Variants in KMT2C observed in about 807,000 individuals in gnomAD.
KMT2C encodes the protein lysine methyltransferase 2C, also known as histone-lysine N-methyltransferase 2C.
A neutral mutation model predicts 507.9 loss-of-function variants in KMT2C; 88 were observed. The ratio of observed to expected loss-of-function variants is 0.17; its 90% CI spans 0.15 to 0.21. KMT2C has a LOEUF of 0.21. Among genes scored for constraint, KMT2C ranks in the 10% least tolerant of loss-of-function variants. The pLI is 1.00. For synonymous variants in KMT2C, 2,049 were observed against 2,080.8 expected (o/e 0.98, Z 0.42); for missense variants, 4,954 against 5,957.8 (o/e 0.83, Z 5.55).
At chr7:152,396,311 A>T (rs946754526) in intron 1 of KMT2C, among the ~76,000 whole-genome samples, 10 of 152,336 alleles carry the variant, frequency 6.6e-5, no homozygotes, top group African/African-American at 2.2e-4. Context: ...AAAATACATA[A>T]ATGAAAAGAC....
chr7:152,188,644 A>AC (rs1391097586), intron 31 of KMT2C, among the ~76,000 whole-genome samples: 1 of 118,856 alleles, frequency 8.4e-6, no homozygotes, highest in African/African-American at 3.5e-5. Context: ...ATGGAGTCTC[A>AC]CTCTGTCGCC....
intron 26 of KMT2C, among the ~76,000 whole-genome samples, chr7:152,200,307 T>A (rs959661282): frequency 3.3e-5 from 5 of 152,208 alleles, no homozygotes; most frequent in Non-Finnish European, 7.3e-5. Flanking sequence ...CATAGAACTA[T>A]CCAAATTATA....
In KMT2C at chr7:152,238,823, C is replaced by A. The variant is rs759345474; in HGVS notation, c.2536G>T (p.Ala846Ser). The A allele has an allele frequency of 6.3e-7, 1 of 1,599,444 alleles. No individual in the cohort carries two copies. Among genetic ancestry groups the A allele is most frequent in the South Asian group, 1.1e-5 (1 of 88,486 alleles). Residue 846 changes from alanine (A) to serine (S), a missense_variant, in exon 15 of 59, where the codon GCT becomes TCT. This residue lies in a region of KMT2C where 62 missense variants were observed against 137.2 expected (regional missense o/e 0.45). Coordinates refer to ENST00000262189, the MANE Select transcript of KMT2C (RefSeq NM_170606.3). ...CTCACTGTATTATGGGTACTCCAAG[C>A]CCCCTAGGATATGGCAGTTGAGAAA... ...SPGRPRSKQGAWSTHNTVSPP... is the reference protein window; with the variant it reads ...SPGRPRSKQGSWSTHNTVSPP...
At chr7:152,168,893 A>G (rs1167491164) in intron 41 of KMT2C, among the ~76,000 whole-genome samples, 6 of 152,238 alleles carry the variant, frequency 3.9e-5, no homozygotes, top group Admixed American at 3.3e-4. Flanking sequence ...TATAGACTGT[A>G]AAGTGCCCAA....
chr7:152,324,789 T>C (rs549725404), intron 3 of KMT2C, among the ~76,000 whole-genome samples: 7 of 152,100 alleles, frequency 4.6e-5, no homozygotes, highest in African/African-American at 1.7e-4. Context: ...ACGAGGCTAG[T>C]GTAATTTTGT....
intron 1 of KMT2C, among the ~76,000 whole-genome samples, chr7:152,388,746 T>A (rs1016511380): frequency 1.3e-5 from 2 of 151,650 alleles, no homozygotes; most frequent in Non-Finnish European, 2.9e-5. Flanking sequence ...GGGGACTACT[T>A]AGACTTTTTT....
At chr7:152,237,864 C>G (rs1369600582) in intron 15 of KMT2C, among the ~76,000 whole-genome samples, 1 of 152,164 alleles carries the variant, frequency 6.6e-6, no homozygotes. Flanking sequence ...GATTAAAAAT[C>G]GAGACTACAG....
chr7:152,414,653 G>A (rs539225901), intron 1 of KMT2C, among the ~76,000 whole-genome samples: 1 of 150,672 alleles, frequency 6.6e-6, no homozygotes, highest in Admixed American at 6.6e-5. Context: ...CCGGCATCAT[G>A]CCTGGCTCAT....
intron 1 of KMT2C, among the ~76,000 whole-genome samples, chr7:152,415,896 AG>A (rs2097730423): frequency 6.6e-6 from 1 of 152,212 alleles, no homozygotes; most frequent in Admixed American, 6.5e-5. Context: ...AAAAAGAAAA[AG>A]AAATTCAAAA....
chr7:152,259,442 A>ACGCG (rs747764672), intron 9 of KMT2C, among the ~76,000 whole-genome samples: 1,359 of 117,982 alleles, frequency 0.012, 20 homozygotes, highest in Admixed American at 0.04. Flanking sequence ...AGACACACAC[A>ACGCG]CGCGCACACA....
chr7:152,215,513 C>CAAAAAA (rs35751147), intron 23 of KMT2C, among the ~76,000 whole-genome samples: 2 of 25,954 alleles, frequency 7.7e-5, no homozygotes, highest in Non-Finnish European at 1.6e-4. Flanking sequence ...GACTCTGTCT[C>CAAAAAA]AAAAAAAAAA....
At chr7:152,195,390 A>G in intron 28 of KMT2C, 1 of 247,032 alleles carries the variant, frequency 4.0e-6, no homozygotes, top group Non-Finnish European at 6.5e-6. Context: ...AAAAGGGAAA[A>G]GCAAAGTATG....
At chr7:152,298,298 G>A (rs928104984) in intron 6 of KMT2C, among the ~76,000 whole-genome samples, 17 of 151,898 alleles carry the variant, frequency 1.1e-4, no homozygotes, top group Admixed American at 2.0e-4. Flanking sequence ...ACGGATCCAA[G>A]AAACTCAGCA....
chr7:152,270,516 T>C (rs899967076), intron 7 of KMT2C, among the ~76,000 whole-genome samples: 7 of 152,214 alleles, frequency 4.6e-5, no homozygotes, highest in African/African-American at 1.2e-4. Flanking sequence ...TTTGTTCGCC[T>C]TGATGATGTC....
chr7:152,359,549 C>T (rs2097179071), intron 1 of KMT2C, among the ~76,000 whole-genome samples: 2 of 151,898 alleles, frequency 1.3e-5, no homozygotes, highest in South Asian at 4.1e-4. Context: ...TTAGATGGAT[C>T]ATTTGAGTGC....
chr7:152,217,822 A>G lies in KMT2C; in HGVS notation c.3712+2701T>C, dbSNP rs201838019. On this transcript the variant is annotated intron_variant, in intron 23 of 58. Coordinates refer to ENST00000262189, the MANE Select transcript of KMT2C (RefSeq NM_170606.3). ...TTTTGTGTTGTTTTTAAAAGGTATT[A>G]TAATCTCATAATTTGGGAAACAATG... Among the ~76,000 whole-genome samples the G allele has an allele frequency of 2.0e-4, 31 of 152,346 alleles. No homozygotes were observed. In the East Asian group the frequency reaches 4.6e-3, roughly 23 times the overall value.
At position 152,204,988 on chromosome 7, in the gene KMT2C, A is replaced by G. The variant is rs534025588; in HGVS notation, c.3961+118T>C. On this transcript the variant is annotated intron_variant, in intron 25 of 58. Transcript: ENST00000262189. ...AATAAGACTCTTATTGAGTAACAAT[A>G]AGAGGCAATAAGGCTCTTATTGACT... 2.9e-3 allele frequency: 1,755 copies of G among 613,062 alleles called. 4 individuals carry two copies. Among genetic ancestry groups the G allele is most frequent in the Non-Finnish European group, 3.9e-3 (1,362 of 348,624 alleles). The allele number at this position is 613,062 out of a possible 1,614,324, so 38.0% of individuals were successfully genotyped here.
intron 6 of KMT2C, among the ~76,000 whole-genome samples, chr7:152,296,420 G>A (rs1200686895): frequency 5.4e-4 from 77 of 141,520 alleles, no homozygotes; most frequent in Middle Eastern, 3.6e-3. Flanking sequence ...GGCGAAAGGC[G>A]AAACTCCATC....
At chr7:152,428,976 A>C (rs1174545546) in intron 1 of KMT2C, among the ~76,000 whole-genome samples, 1 of 152,118 alleles carries the variant, frequency 6.6e-6, no homozygotes, top group Non-Finnish European at 1.5e-5. Flanking sequence ...TCACCACTAC[A>C]CACAGCCTCT....
Sources: allele counts gnomAD v4.1 joint callset (sites outside exome capture counted in the v4.1 genomes callset), GRCh38; gene constraint gnomAD v4.1.1; regional missense constraint gnomAD v4.1.1; transcripts MANE v1.5; gene names NCBI Gene and HGNC (gene_info 2026-07-23, HGNC 2026-07-21).